Variants in NELL1 observed in about 807,000 individuals in gnomAD.
NELL1 encodes neural EGFL like 1.
NELL1 carries 76 observed loss-of-function variants against 107.4 expected under a neutral mutation model. The observed-to-expected ratio is 0.71, with a 90% CI of 0.59 to 0.86. The LOEUF is 0.86. NELL1 is among the 40% of genes least tolerant of loss of function. The pLI is 0.00. For missense variants in NELL1, 1,024 were observed against 1,005.5 expected (o/e 1.02, Z -0.25); for synonymous variants, 353 against 341.2 (o/e 1.03, Z -0.38).
chr11:21,147,831 C>T (rs1419577877), intron 13 of NELL1, among the ~76,000 whole-genome samples: 3 of 77,410 alleles, frequency 3.9e-5, no homozygotes, highest in East Asian at 3.8e-4. Flanking sequence ...AGTGAAACTC[C>T]GTCTCAAAAA....
chr11:21,545,781 C>G (rs1437253538), intron 16 of NELL1, among the ~76,000 whole-genome samples: 1 of 151,878 alleles, frequency 6.6e-6, no homozygotes, highest in African/African-American at 2.4e-5. Flanking sequence ...ACTCAGTGCC[C>G]CTTGTAGCTT....
chr11:20,890,107 C>G (rs138061586), intron 5 of NELL1, among the ~76,000 whole-genome samples: 2 of 152,270 alleles, frequency 1.3e-5, no homozygotes, highest in African/African-American at 4.8e-5. Flanking sequence ...CTACTGGCAT[C>G]AGTTTGGTGT....
intron 13 of NELL1, among the ~76,000 whole-genome samples, chr11:21,125,184 G>T (rs2133748495): frequency 6.6e-6 from 1 of 152,266 alleles, no homozygotes; most frequent in South Asian, 2.1e-4. Context: ...AGTTGGTCCA[G>T]ATTTTTCTGG....
intron 13 of NELL1, among the ~76,000 whole-genome samples, chr11:21,124,378 A>G (rs977384351): frequency 2.0e-5 from 3 of 152,208 alleles, no homozygotes; most frequent in South Asian, 2.1e-4. Flanking sequence ...ATTAAAAGCA[A>G]TGGCTTTGCT....
intron 2 of NELL1, among the ~76,000 whole-genome samples, chr11:20,759,732 C>T (rs560327278): frequency 1.8e-4 from 27 of 152,256 alleles, no homozygotes; most frequent in African/African-American, 4.8e-4. Context: ...CAGGGTGCTG[C>T]GCCTGATTGG....
At chr11:21,140,153 C>T (rs1855834537) in intron 13 of NELL1, among the ~76,000 whole-genome samples, 1 of 152,152 alleles carries the variant, frequency 6.6e-6, no homozygotes, top group Non-Finnish European at 1.5e-5. Context: ...TCACATGCTC[C>T]ATCCCAAGAG....
At chr11:21,298,460 C>T (rs994558277) in intron 14 of NELL1, among the ~76,000 whole-genome samples, 1 of 151,968 alleles carries the variant, frequency 6.6e-6, no homozygotes, top group African/African-American at 2.4e-5. Flanking sequence ...GTGAGCTCAC[C>T]TCTCTGACAC....
chr11:20,805,076 A>G (rs1857353653), intron 3 of NELL1, among the ~76,000 whole-genome samples: 1 of 152,066 alleles, frequency 6.6e-6, no homozygotes, highest in Non-Finnish European at 1.5e-5. Flanking sequence ...TTTATCTGAT[A>G]TAACTATAGC....
At chr11:20,738,679 T>C (rs188324325) in intron 2 of NELL1, among the ~76,000 whole-genome samples, 1 of 152,356 alleles carries the variant, frequency 6.6e-6, no homozygotes, top group East Asian at 1.9e-4. Context: ...CCTTGGATCA[T>C]GTCCCCACAT....
intron 12 of NELL1, among the ~76,000 whole-genome samples, chr11:21,058,430 G>A (rs900978572): frequency 1.2e-4 from 19 of 152,172 alleles, no homozygotes; most frequent in African/African-American, 3.6e-4. Context: ...AAATTAAATC[G>A]TTGTTCTCCT....
At chr11:21,546,857 T>G (rs557374534) in intron 16 of NELL1, among the ~76,000 whole-genome samples, 11 of 152,182 alleles carry the variant, frequency 7.2e-5, no homozygotes, top group African/African-American at 2.6e-4. Flanking sequence ...AATATTTACC[T>G]GTGGGTTTAT....
At chr11:21,389,316 T>C (rs974617298) in intron 15 of NELL1, among the ~76,000 whole-genome samples, 1 of 151,844 alleles carries the variant, frequency 6.6e-6, no homozygotes, top group Non-Finnish European at 1.5e-5. Flanking sequence ...TCTAAGTTAT[T>C]AAATATCTGC....
At chr11:21,066,487 C>A (rs1853873821) in intron 12 of NELL1, among the ~76,000 whole-genome samples, 1 of 152,192 alleles carries the variant, frequency 6.6e-6, no homozygotes, top group African/African-American at 2.4e-5. Context: ...TTTCAATCCA[C>A]AGCTTTTCCT....
intron 4 of NELL1, among the ~76,000 whole-genome samples, chr11:20,884,359 C>A (rs776280728): frequency 1.3e-5 from 2 of 152,182 alleles, no homozygotes; most frequent in Non-Finnish European, 2.9e-5. Flanking sequence ...ATGAGCTGTC[C>A]GTACCTCTGG....
intron 12 of NELL1, among the ~76,000 whole-genome samples, chr11:21,068,885 C>G (rs1853944387): frequency 6.6e-6 from 1 of 152,122 alleles, no homozygotes; most frequent in South Asian, 2.1e-4. Context: ...ATAAATGAGG[C>G]TTTCGGGGCC....
chr11:21,078,844 G>A (rs141846765), intron 12 of NELL1, among the ~76,000 whole-genome samples: 23 of 152,134 alleles, frequency 1.5e-4, no homozygotes, highest in African/African-American at 4.1e-4. Context: ...CAAACTAATC[G>A]TAGTCCTCTT....
chr11:20,907,995 TA>T (rs1850041912), intron 5 of NELL1, among the ~76,000 whole-genome samples: 1 of 152,046 alleles, frequency 6.6e-6, no homozygotes, highest in Non-Finnish European at 1.5e-5. Flanking sequence ...ATCAAAATGA[TA>T]ATGAGATACC....
At chr11:21,225,934 T>A (rs1294658778) in intron 13 of NELL1, among the ~76,000 whole-genome samples, 1 of 152,124 alleles carries the variant, frequency 6.6e-6, no homozygotes, top group Admixed American at 6.5e-5. Context: ...GACAGAGAGG[T>A]TGGGTAACTT....
At chr11:21,480,166 G>A (rs368827100) in intron 15 of NELL1, among the ~76,000 whole-genome samples, 1 of 152,164 alleles carries the variant, frequency 6.6e-6, no homozygotes, top group Admixed American at 6.6e-5. Flanking sequence ...TACAGGAAAT[G>A]TCTAATGATT....
Sources: allele counts gnomAD v4.1 joint callset (sites outside exome capture counted in the v4.1 genomes callset), GRCh38; gene constraint gnomAD v4.1.1; transcripts MANE v1.5; gene names NCBI Gene and HGNC (gene_info 2026-07-23, HGNC 2026-07-21).